Variants in OGDH observed in about 807,000 individuals in gnomAD.
OGDH encodes 2-oxoglutarate dehydrogenase complex component E1.
OGDH carries 38 observed loss-of-function variants against 116.6 expected under a neutral mutation model. The ratio of observed to expected loss-of-function variants is 0.33; its 90% CI spans 0.25 to 0.43. The LOEUF (loss-of-function observed/expected upper bound fraction) is 0.43. OGDH is among the 20% of genes least tolerant of loss of function. The pLI is 1.00. For synonymous variants in OGDH, 488 were observed against 533.3 expected, an observed-to-expected ratio of 0.92 and a Z score of 1.17; for missense variants, 825 against 1,357.2, an observed-to-expected ratio of 0.61 and a Z score of 6.16.
intron 20 of OGDH, among the ~76,000 whole-genome samples, chr7:44,702,163 A>G (rs1009011189): frequency 6.6e-6 from 1 of 152,034 alleles, no homozygotes; most frequent in African/African-American, 2.4e-5. Context: ...CATGCAGCCC[A>G]GGAGCTGTTG....
intron 10 of OGDH, among the ~76,000 whole-genome samples, chr7:44,691,322 A>G (rs965331037): frequency 6.6e-6 from 1 of 152,080 alleles, no homozygotes; most frequent in Non-Finnish European, 1.5e-5. Context: ...TCAGGAGTTC[A>G]AGACCAGCCT....
chr7:44,695,837 G>A (rs1788557768), intron 12 of OGDH, among the ~76,000 whole-genome samples, 188 bp from the exon 13 acceptor site: 1 of 152,180 alleles, frequency 6.6e-6, no homozygotes, highest in Non-Finnish European at 1.5e-5. Flanking sequence ...TATTGAGAAG[G>A]AGCAGGCCCA....
At chr7:44,687,159 G>A (rs1454629178) in intron 10 of OGDH, among the ~76,000 whole-genome samples, 1 of 141,706 alleles carries the variant, frequency 7.1e-6, no homozygotes, top group Non-Finnish European at 1.5e-5. Context: ...GTGCAGTGGA[G>A]TGATCTTGGC....
intron 20 of OGDH, 92 bp downstream of exon 20, chr7:44,701,707 T>A: frequency 1.6e-6 from 2 of 1,262,524 alleles, no homozygotes; most frequent in Non-Finnish European, 2.3e-6. Flanking sequence ...GACTGACATT[T>A]GTGATTCTCA....
intron 2 of OGDH, among the ~76,000 whole-genome samples, chr7:44,634,270 AGACCGT>A (rs1239169736): frequency 6.6e-6 from 1 of 152,250 alleles, no homozygotes; most frequent in Non-Finnish European, 1.5e-5. Context: ...GCCTAGGTCC[AGACCGT>A]ACACTGCTAC....
intron 4 of OGDH, among the ~76,000 whole-genome samples, chr7:44,659,103 T>C (rs536184743): frequency 1.3e-5 from 2 of 152,230 alleles, no homozygotes; most frequent in African/African-American, 4.8e-5. Flanking sequence ...CTCCCAAAGT[T>C]CTGGGATTAC....
intron 1 of OGDH, among the ~76,000 whole-genome samples, chr7:44,613,155 C>T (rs182132135): frequency 6.6e-6 from 1 of 151,006 alleles, no homozygotes; most frequent in East Asian, 2.0e-4. Flanking sequence ...GGATTACAGG[C>T]ATGAGCCACT....
At chr7:44,663,131 G>T (rs1463631851) in intron 4 of OGDH, among the ~76,000 whole-genome samples, 1 of 151,924 alleles carries the variant, frequency 6.6e-6, no homozygotes, top group Admixed American at 6.6e-5. Flanking sequence ...TTTCCTTTCT[G>T]TTCTTCAGAT....
chr7:44,696,339 C>T (rs1215173916), intron 13 of OGDH, 90 bp from the exon 14 acceptor site: 3 of 1,496,074 alleles, frequency 2.0e-6, no homozygotes, highest in South Asian at 2.5e-5. Context: ...GTCTCTCACC[C>T]TGCTTCTCCC....
At position 44,674,525 on chromosome 7, in the gene OGDH, C is replaced by T. The variant is rs1288498646; in HGVS notation, c.903C>T (p.Gly301=). The T allele has an allele frequency of 7.4e-6, 12 of 1,613,990 alleles. No individual in the cohort carries two copies. Among genetic ancestry groups the T allele is most frequent in the Admixed American group, 1.7e-5 (1 of 59,984 alleles). The stretch of plus-strand genomic sequence containing the variant: ...TCATTGACAAGTCTAGTGAGAATGG[C>T]GTGGACTACGTGATCATGGGCATGC... ...KTIIDKSSEN[G]VDYVIMGMPH... Residue 301 remains glycine, a synonymous_variant, in exon 7 of 23, where the codon GGC becomes GGT. Transcript: ENST00000222673.
intron 9 of OGDH, 86 bp from the exon 10 acceptor site, chr7:44,681,634 A>G (rs1239083661): frequency 6.6e-7 from 1 of 1,512,362 alleles, no homozygotes; most frequent in African/African-American, 1.4e-5. Flanking sequence ...TATTTTTTGA[A>G]AAACAAATGA....
At chr7:44,681,646 G>A in intron 9 of OGDH, 74 bp from the exon 10 acceptor site, 1 of 1,526,300 alleles carries the variant, frequency 6.6e-7, no homozygotes, top group Admixed American at 2.1e-5. Flanking sequence ...AACAAATGAT[G>A]CATTTCCTCT....
At chr7:44,635,728 T>TG (rs1247370585) in intron 2 of OGDH, among the ~76,000 whole-genome samples, 1 of 151,582 alleles carries the variant, frequency 6.6e-6, no homozygotes, top group Non-Finnish European at 1.5e-5. Flanking sequence ...TTTTTCGAGA[T>TG]GGAGTCTCGC....
chr7:44,621,506 G>A lies in OGDH; in HGVS notation c.-27-2811G>A, dbSNP rs1011867908. Among the ~76,000 whole-genome samples the A allele has an allele frequency of 1.1e-4, 17 of 152,316 alleles. No individual in the cohort carries two copies. The East Asian group carries it at 2.1e-3, about 19-fold the overall frequency. On this transcript the variant is annotated intron_variant, in intron 1 of 22. Transcript: ENST00000222673. ...TGGACAGCAAATAGCTGTCCTGGCC[G>A]TTCCTGGGTGGAGTTGGGGATGTTG...
chr7:44,658,583 T>C (rs772003625), intron 4 of OGDH, among the ~76,000 whole-genome samples: 1 of 152,204 alleles, frequency 6.6e-6, no homozygotes, highest in African/African-American at 2.4e-5. Flanking sequence ...TTACAGTAGC[T>C]ACAACTTTTA....
chr7:44,612,704 T>C (rs868501089), intron 1 of OGDH, among the ~76,000 whole-genome samples: 1 of 150,972 alleles, frequency 6.6e-6, no homozygotes. Flanking sequence ...TTATACTTAT[T>C]TATTATTTTT....
rs1427165999 is a variant in OGDH, at chr7:44,666,765, G to A, written c.547G>A (p.Asp183Asn). The change falls in exon 5 of 23, where the codon GAC becomes AAC. Residue 183 changes from aspartate (D) to asparagine (N), a missense_variant. This residue lies in a region of OGDH where 171 missense variants were observed against 276.8 expected (regional missense o/e 0.62). Transcript: ENST00000222673. Reference protein sequence around the residue: ...GFYGLDESDLDKVFHLPTTTF... With the variant: ...GFYGLDESDLNKVFHLPTTTF... ...CTATGGCCTGGATGAGTCTGACCTC[G>A]ACAAGGTCTTCCACTTGCCCACCAC... The A allele has an allele frequency of 6.2e-7, 1 of 1,612,762 alleles. No homozygotes were observed. Among genetic ancestry groups the A allele is most frequent in the Non-Finnish European group, 8.5e-7 (1 of 1,179,478 alleles).
At chr7:44,674,314 G>A (rs903136743) in intron 6 of OGDH, 97 bp from the exon 7 acceptor site, 26 of 1,487,156 alleles carry the variant, frequency 1.7e-5, no homozygotes, top group Non-Finnish European at 2.4e-5. Context: ...CAAGGTGCTG[G>A]GATTACAGGT....
rs1406655982 is a variant in OGDH at position 44,666,109 on chromosome 7, CAGG to C, written c.518-624_518-622del. On this transcript the variant is annotated intron_variant, in intron 4 of 22. Transcript: ENST00000222673. ...CTCAGAACGCATAGTTCAGGAATTT[CAGG>C]AGAAGACGATGGTCCTTAATCCAAG... 2.6e-5 allele frequency among the ~76,000 whole-genome samples: 4 copies of C among 152,318 alleles called. No individual in the cohort carries two copies. The East Asian group carries it at 5.8e-4, about 22-fold the overall frequency.
Sources: gnomAD v4.1 joint callset for allele counts (sites outside exome capture counted in the v4.1 genomes callset) on GRCh38, gnomAD v4.1.1 for gene constraint, gnomAD v4.1.1 regional missense constraint, MANE v1.5 for transcripts, NCBI Gene and HGNC (gene_info 2026-07-23, HGNC 2026-07-21) for gene names.